Variants in TP63 observed in about 807,000 individuals in gnomAD.
The protein encoded by TP63 is tumor protein 63.
In TP63, 17 loss-of-function variants were observed where a neutral mutation model predicts 82.8. The observed-to-expected ratio is 0.21, with a 90% CI of 0.14 to 0.31. The LOEUF (loss-of-function observed/expected upper bound fraction) is 0.31, where lower values mean the gene tolerates loss of function less well. Among genes scored for constraint, TP63 ranks in the 10% least tolerant of loss-of-function variants. The pLI is 1.00. For missense variants in TP63, 648 were observed against 895.3 expected (o/e 0.72, Z 3.52); for synonymous variants, 330 against 321.7 (o/e 1.03, Z -0.28).
chr3:189,629,260 T>C (rs958509485), upstream of TP63, among the ~76,000 whole-genome samples: 1 of 151,998 alleles, frequency 6.6e-6, no homozygotes, highest in African/African-American at 2.4e-5. Context: ...TGTGCTCACC[T>C]GTAGTCCAAG....
chr3:189,786,607 T>A (rs572057973), intron 3 of TP63, among the ~76,000 whole-genome samples: 5 of 152,006 alleles, frequency 3.3e-5, no homozygotes, highest in Non-Finnish European at 7.4e-5. Context: ...AGCATATGCT[T>A]CGATCTGACA....
chr3:189,829,634 G>A (rs899895991), intron 4 of TP63, among the ~76,000 whole-genome samples: 12 of 152,330 alleles, frequency 7.9e-5, no homozygotes, highest in African/African-American at 2.9e-4. Context: ...GGTACTAAAA[G>A]CCTAGAGTCT....
At chr3:189,890,120 C>T (rs530373767) in intron 12 of TP63, among the ~76,000 whole-genome samples, 2 of 152,304 alleles carry the variant, frequency 1.3e-5, no homozygotes, top group Non-Finnish European at 2.9e-5. Flanking sequence ...TCTTCTTCTT[C>T]TGCTTCATGT....
At chr3:189,643,454 TTAAA>T (rs71747870) in intron 1 of TP63, among the ~76,000 whole-genome samples, 30,959 of 110,440 alleles carry the variant, frequency 0.28, 3,910 homozygotes, top group Non-Finnish European at 0.39. Context: ...TTTAAACTGA[TTAAA>T]AAAAAAAAAC....
At chr3:189,609,695 T>G in the TP63 span, among the ~76,000 whole-genome samples, 1 of 152,230 alleles carries the variant, frequency 6.6e-6, no homozygotes, top group African/African-American at 2.4e-5. Flanking sequence ...TTCATGTTCA[T>G]GCAAAAGACT....
chr3:189,832,647 A>G (rs1047373334), intron 4 of TP63, among the ~76,000 whole-genome samples: 4 of 152,170 alleles, frequency 2.6e-5, no homozygotes, highest in Admixed American at 6.5e-5. Context: ...CTGATGACCA[A>G]CTCCAAAATT....
At chr3:189,602,119 C>G in the TP63 span, among the ~76,000 whole-genome samples, 1 of 152,170 alleles carries the variant, frequency 6.6e-6, no homozygotes, top group Non-Finnish European at 1.5e-5. Flanking sequence ...TCTCTCCTCT[C>G]TTCTCCACTG....
intron 5 of TP63, among the ~76,000 whole-genome samples, chr3:189,864,654 G>A (rs902176701): frequency 6.8e-6 from 1 of 146,018 alleles, no homozygotes; most frequent in Non-Finnish European, 1.5e-5. Flanking sequence ...TAGATGACCT[G>A]AACTACTGGT....
At chr3:189,853,380 A>T (rs1157468266) in intron 4 of TP63, among the ~76,000 whole-genome samples, 1 of 152,122 alleles carries the variant, frequency 6.6e-6, no homozygotes, top group Non-Finnish European at 1.5e-5. Flanking sequence ...CTGATCTTGG[A>T]TCTTAACTCC....
At chr3:189,717,746 C>T (rs1719069946) in intron 1 of TP63, among the ~76,000 whole-genome samples, 1 of 152,104 alleles carries the variant, frequency 6.6e-6, no homozygotes, top group Admixed American at 6.6e-5. Flanking sequence ...CTGCATAAGC[C>T]CTTTCCTTTA....
chr3:189,736,269 TTTC>T (rs1279800093), intron 1 of TP63, among the ~76,000 whole-genome samples: 1 of 151,734 alleles, frequency 6.6e-6, no homozygotes, highest in African/African-American at 2.4e-5. Context: ...AGCATATAAG[TTTC>T]TTCTTACCTC....
intron 10 of TP63, chr3:189,880,806 A>G (rs1719827088): frequency 1.0e-6 from 1 of 985,208 alleles, no homozygotes; most frequent in South Asian, 4.7e-5. Context: ...AACTTGCATT[A>G]TTTGTGTCCT....
intron 4 of TP63, among the ~76,000 whole-genome samples, chr3:189,819,661 A>G (rs1204121047): frequency 6.6e-6 from 1 of 152,168 alleles, no homozygotes; most frequent in Non-Finnish European, 1.5e-5. Flanking sequence ...AGAATTGTCA[A>G]CATCCAAGAG....
intron 4 of TP63, among the ~76,000 whole-genome samples, chr3:189,816,119 G>A (rs904820462): frequency 6.6e-6 from 1 of 152,174 alleles, no homozygotes. Flanking sequence ...GATTTAAAGG[G>A]CTTCTAATCA....
At chr3:189,868,349 GC>G (rs1717984087) in intron 7 of TP63, among the ~76,000 whole-genome samples, 2 of 152,168 alleles carry the variant, frequency 1.3e-5, no homozygotes, top group South Asian at 4.1e-4. Flanking sequence ...TCAGCTAATA[GC>G]TCAGAGGTTC....
At chr3:189,717,741 T>TAA (rs1719069530) in intron 1 of TP63, among the ~76,000 whole-genome samples, 1 of 152,228 alleles carries the variant, frequency 6.6e-6, no homozygotes, top group Non-Finnish European at 1.5e-5. Flanking sequence ...CTGTGCTGCA[T>TAA]AAGCCCTTTC....
chr3:189,647,441 C>T (rs1712510892), intron 1 of TP63, among the ~76,000 whole-genome samples: 2 of 146,946 alleles, frequency 1.4e-5, no homozygotes, highest in African/African-American at 5.1e-5. Flanking sequence ...ACTCATATTT[C>T]AGCAACCTAC....
intron 8 of TP63, 71 bp downstream of exon 8, chr3:189,868,787 G>A: frequency 6.2e-7 from 1 of 1,611,200 alleles, no homozygotes; most frequent in South Asian, 1.1e-5. Context: ...GGGTGATATT[G>A]GAGAAGCTGC....
intron 4 of TP63, among the ~76,000 whole-genome samples, chr3:189,815,801 G>A (rs1267826080): frequency 1.3e-5 from 2 of 151,930 alleles, no homozygotes; most frequent in South Asian, 4.2e-4. Flanking sequence ...GTTACTAGTG[G>A]GTATATTTTA....
Sources: allele counts gnomAD v4.1 joint callset (sites outside exome capture counted in the v4.1 genomes callset), GRCh38; gene constraint gnomAD v4.1.1; transcripts MANE v1.5; gene names NCBI Gene and HGNC (gene_info 2026-07-23, HGNC 2026-07-21).